Variants in TFDP1 observed in about 807,000 individuals in gnomAD.
The protein encoded by TFDP1 is DRTF1-polypeptide 1.
Under a neutral mutation model 48.0 loss-of-function variants are expected in TFDP1, and 6 were observed. The ratio of observed to expected loss-of-function variants is 0.13; its 90% CI spans 0.07 to 0.25. The LOEUF (loss-of-function observed/expected upper bound fraction) is 0.25. TFDP1 is among the 10% of genes least tolerant of loss of function. TFDP1 has a pLI of 1.00. For missense variants in TFDP1, 335 were observed against 543.0 expected, an observed-to-expected ratio of 0.62 and a Z score of 3.81; for synonymous variants, 201 against 211.6, an observed-to-expected ratio of 0.95 and a Z score of 0.44.
chr13:113,591,214 C>T (rs141991576), intron 2 of TFDP1, among the ~76,000 whole-genome samples: 4,981 of 149,634 alleles, frequency 0.033, 205 homozygotes, highest in East Asian at 0.11. Flanking sequence ...TGGTGGCGGG[C>T]GCCTGTAATC....
intron 2 of TFDP1, among the ~76,000 whole-genome samples, chr13:113,595,899 G>A (rs1023314522): frequency 2.6e-5 from 4 of 152,206 alleles, no homozygotes; most frequent in Non-Finnish European, 4.4e-5. Flanking sequence ...TGGCTAACAT[G>A]GTGAAACCCC....
intron 3 of TFDP1, among the ~76,000 whole-genome samples, chr13:113,619,481 CAAAAAAA>C (rs1162300447): frequency 1.1e-4 from 12 of 110,516 alleles, no homozygotes; most frequent in Admixed American, 8.9e-4. Flanking sequence ...AAAAAAAAAA[CAAAAAAA>C]AAAAAAAAAA....
chr13:113,587,706 C>G (rs369939605), intron 2 of TFDP1, among the ~76,000 whole-genome samples: 1 of 151,642 alleles, frequency 6.6e-6, no homozygotes, highest in East Asian at 1.9e-4. Flanking sequence ...AGGCTGGGCT[C>G]GAGCTCCTGA....
At chr13:113,589,080 A>G (rs75319434) in intron 2 of TFDP1, among the ~76,000 whole-genome samples, 13,348 of 152,028 alleles carry the variant, frequency 0.088, 1,695 homozygotes, top group African/African-American at 0.28. Flanking sequence ...AGGGTCACAG[A>G]AGGAGGAAAC....
rs60591921 is a variant in TFDP1 at position 113,613,634 on chromosome 13, T to TGC, written c.79+2573_79+2574dup. The stretch of plus-strand genomic sequence containing the variant: ...TGCGTGGGTATGTGAGGAGTGTGTG[T>TGC]GCATGTGTGTCTGCGTGAATGCGTG... On this transcript the variant is annotated intron_variant, in intron 3 of 11. Coordinates refer to ENST00000375370, the MANE Select transcript of TFDP1 (RefSeq NM_007111.5). 2.7e-3 allele frequency among the ~76,000 whole-genome samples: 407 copies of TGC among 148,518 alleles called. 10 individuals are homozygous for TGC. Among genetic ancestry groups the TGC allele is most frequent in the African/African-American group, 9.6e-3 (382 of 39,962 alleles).
At chr13:113,601,935 AGAG>A (rs1034453732) in intron 2 of TFDP1, among the ~76,000 whole-genome samples, 2 of 44,772 alleles carry the variant, frequency 4.5e-5, no homozygotes, top group South Asian at 5.7e-4. Context: ...TGTAGCTCTG[AGAG>A]GAGGACAGAG....
intron 3 of TFDP1, among the ~76,000 whole-genome samples, chr13:113,611,894 C>T (rs890947518): frequency 4.6e-5 from 7 of 152,216 alleles, no homozygotes; most frequent in African/African-American, 1.4e-4. Flanking sequence ...CCTAGTGGGT[C>T]CACTGAGTGC....
At chr13:113,590,531 C>G (rs1265025402) in intron 2 of TFDP1, among the ~76,000 whole-genome samples, 1 of 152,154 alleles carries the variant, frequency 6.6e-6, no homozygotes, top group Non-Finnish European at 1.5e-5. Context: ...CTTCTTTTGT[C>G]CTCATAAAGA....
intron 10 of TFDP1, chr13:113,637,059 T>G: frequency 4.9e-6 from 1 of 204,680 alleles, no homozygotes; most frequent in Non-Finnish European, 9.8e-6. Context: ...TCCCACCCAC[T>G]GATGGTAGCT....
chr13:113,631,821 G>A (rs2049344521), intron 5 of TFDP1, 77 bp downstream of exon 5: 9 of 1,574,824 alleles, frequency 5.7e-6, no homozygotes, highest in Admixed American at 1.8e-5. Context: ...TGGGCCACGT[G>A]TGTCACACAG....
chr13:113,611,225 G>A (rs2048701330), intron 3 of TFDP1, among the ~76,000 whole-genome samples, 163 bp downstream of exon 3: 1 of 152,230 alleles, frequency 6.6e-6, no homozygotes. Context: ...GAGCCTTCTA[G>A]CATTTAGAAC....
At chr13:113,613,921 G>A (rs1400436120) in intron 3 of TFDP1, among the ~76,000 whole-genome samples, 3 of 151,428 alleles carry the variant, frequency 2.0e-5, no homozygotes, top group East Asian at 1.9e-4. Flanking sequence ...GTGTGCATGC[G>A]TGTGAGTTGT....
intron 3 of TFDP1, among the ~76,000 whole-genome samples, chr13:113,619,904 G>A (rs2048957294): frequency 6.6e-6 from 1 of 152,282 alleles, no homozygotes; most frequent in East Asian, 1.9e-4. Flanking sequence ...CCTGCAGCTG[G>A]TGTGGGGGCT....
At chr13:113,611,162 C>A in intron 3 of TFDP1, 100 bp downstream of exon 3, 2 of 1,178,972 alleles carry the variant, frequency 1.7e-6, no homozygotes, top group Non-Finnish European at 2.5e-6. Flanking sequence ...CTAATGATGG[C>A]ATCTCCTGCA....
intron 5 of TFDP1, among the ~76,000 whole-genome samples, chr13:113,632,595 G>A (rs892728585): frequency 2.6e-5 from 4 of 152,156 alleles, no homozygotes; most frequent in African/African-American, 9.7e-5. Context: ...GGCCAACGTG[G>A]TGCAACCCCG....
chr13:113,595,858 G>A (rs1403196586), intron 2 of TFDP1, among the ~76,000 whole-genome samples: 7 of 152,302 alleles, frequency 4.6e-5, no homozygotes, highest in Non-Finnish European at 5.9e-5. Context: ...TGAGGCGGGC[G>A]GATCACAAGG....
chr13:113,631,500 C>G, intron 4 of TFDP1, 123 bp from the exon 5 acceptor site: 2 of 1,296,964 alleles, frequency 1.5e-6, no homozygotes, highest in East Asian at 2.7e-5. Context: ...CCTGCTCCGT[C>G]ATGGCTGCTC....
rs374558698 is a variant in TFDP1 at position 113,640,255 on chromosome 13, C to G, written c.1221C>G (p.Asp407Glu). The change falls in exon 12 of 12, where the codon GAC (aspartate) becomes GAG (glutamate). Residue 407 changes from aspartate (D) to glutamate (E), a missense_variant. Transcript: ENST00000375370. ...AGGACGATGACTTCAACGAGAATGA[C>G]GAGGACGACTGACGTCCTCCCCACT... ...DEEDDDFNEN[D>E]EDD 6.2e-7 allele frequency: 1 copy of G among 1,612,076 alleles called. No homozygotes were observed. The highest frequency in any genetic ancestry group is 8.5e-7 in the Non-Finnish European group (1 of 1,179,396).
rs2049496539 is a variant in TFDP1 at position 113,636,629 on chromosome 13, G to A, written c.935G>A (p.Gly312Glu). ...RMGMACGLES[G>E]SCSAEDLKMA... ...GGCATGGCTTGCGGGCTGGAGTCGG[G>A]GAGCTGCTCTGCCGAAGACCTTAAA... Residue 312 changes from glycine to glutamate, a missense_variant, in exon 10 of 12, where the codon GGG (glycine) becomes GAG (glutamate). Physicochemically the swap from Gly to Glu is moderately conservative, Grantham distance 98. Coordinates refer to ENST00000375370, the MANE Select transcript of TFDP1 (RefSeq NM_007111.5). 6.2e-7 allele frequency: 1 copy of A among 1,613,628 alleles called. No individual in the cohort carries two copies. The highest frequency in any genetic ancestry group is 1.1e-5 in the South Asian group (1 of 91,092).
Sources: allele counts gnomAD v4.1 joint callset (sites outside exome capture counted in the v4.1 genomes callset), GRCh38; gene constraint gnomAD v4.1.1; transcripts MANE v1.5; gene names NCBI Gene and HGNC (gene_info 2026-07-23, HGNC 2026-07-21).